Variants in PCDHA6 observed in about 807,000 individuals in gnomAD.
PCDHA6 encodes protocadherin alpha 6.
Under a neutral mutation model 60.3 loss-of-function variants are expected in PCDHA6, and 55 were observed. That is an observed-to-expected ratio of 0.91 (90% CI 0.73 to 1.14). The LOEUF is 1.14. Ranked by LOEUF, PCDHA6 falls within the 50% of genes most tolerant of loss-of-function variation. PCDHA6 has a pLI of 0.00. For synonymous variants in PCDHA6, 652 were observed against 557.9 expected, an observed-to-expected ratio of 1.17 and a Z score of -2.38; for missense variants, 1,327 against 1,256.5, an observed-to-expected ratio of 1.06 and a Z score of -0.85.
chr5:141,007,694 C>T (rs1466885866), intron 3 of PCDHA6, among the ~76,000 whole-genome samples: 1 of 152,186 alleles, frequency 6.6e-6, no homozygotes, highest in Non-Finnish European at 1.5e-5. Context: ...CTTCCACCTC[C>T]CTCCTCTGCC....
At chr5:140,928,855 C>T (rs781997277) in intron 1 of PCDHA6, 1 of 1,614,184 alleles carries the variant, frequency 6.2e-7, no homozygotes, top group Non-Finnish European at 8.5e-7. Context: ...TCTGGGTGTG[C>T]TGTTGAGCAA....
intron 1 of PCDHA6, among the ~76,000 whole-genome samples, chr5:140,920,858 A>G (rs1182817298): frequency 6.6e-6 from 1 of 151,604 alleles, no homozygotes; most frequent in Non-Finnish European, 1.5e-5. Flanking sequence ...AAAAAAAAAA[A>G]CAAACAAACT....
chr5:140,967,327 C>T (rs2096128034), intron 1 of PCDHA6: 2 of 1,608,656 alleles, frequency 1.2e-6, no homozygotes, highest in Admixed American at 1.7e-5. Context: ...CCTACGAGCT[C>T]AGCCCCAGCG....
chr5:141,008,579 T>C (rs1554261820), intron 3 of PCDHA6, among the ~76,000 whole-genome samples: 1 of 152,232 alleles, frequency 6.6e-6, no homozygotes, highest in African/African-American at 2.4e-5. Flanking sequence ...TTCCCAAGAC[T>C]CAGGGCAGAT....
chr5:140,842,284 C>T (rs2150333443), intron 1 of PCDHA6: 8 of 1,610,320 alleles, frequency 5.0e-6, no homozygotes, highest in Admixed American at 1.7e-5. Context: ...TCCTCATTGA[C>T]GCCACGGACA....
chr5:140,889,700 T>C (rs1554184005), intron 1 of PCDHA6, among the ~76,000 whole-genome samples: 1 of 152,200 alleles, frequency 6.6e-6, no homozygotes, highest in African/African-American at 2.4e-5. Context: ...TATGGGCATA[T>C]TCCACAAGTT....
At chr5:140,898,366 A>G (rs1401153740) in intron 1 of PCDHA6, among the ~76,000 whole-genome samples, 1 of 152,132 alleles carries the variant, frequency 6.6e-6, no homozygotes, top group Non-Finnish European at 1.5e-5. Flanking sequence ...TAATTTTTGT[A>G]TAAGGTGTAA....
intron 1 of PCDHA6, among the ~76,000 whole-genome samples, chr5:140,886,844 A>AAAAG (rs1232979230): frequency 8.6e-5 from 13 of 150,634 alleles, no homozygotes; most frequent in African/African-American, 1.2e-4. Flanking sequence ...AAAAAAAAAA[A>AAAAG]AAAGAAAGGT....
intron 1 of PCDHA6, chr5:140,929,632 C>T: frequency 2.6e-6 from 1 of 387,580 alleles, no homozygotes; most frequent in Admixed American, 4.5e-5. Flanking sequence ...TTATAAGCAA[C>T]AGATGTGTAA....
rs2150441857 is a variant in PCDHA6 at position 140,849,593 on chromosome 5, G to T, written c.2394+19108G>T. ...CTGTAAAAGAGGACGCACAACTGGGGACAGTTATTGCCCTGATTAGTGTGA... is the reference window on the plus strand; with the variant it reads ...CTGTAAAAGAGGACGCACAACTGGGTACAGTTATTGCCCTGATTAGTGTGA... On this transcript the variant is annotated intron_variant, in intron 1 of 3. Transcript: ENST00000529310. The T allele has an allele frequency of 3.0e-5, 48 of 1,598,606 alleles. 4 individuals carry two copies. Among genetic ancestry groups the T allele is most frequent in the African/African-American group, 1.1e-4 (8 of 74,332 alleles).
chr5:140,957,473 G>A (rs1307847703), intron 1 of PCDHA6, among the ~76,000 whole-genome samples: 1 of 151,954 alleles, frequency 6.6e-6, no homozygotes, highest in Non-Finnish European at 1.5e-5. Context: ...GTATGTATAG[G>A]AAAAAACATA....
At chr5:140,862,045 A>T (rs544547077) in intron 1 of PCDHA6, 1 of 155,812 alleles carries the variant, frequency 6.4e-6, no homozygotes, top group South Asian at 2.0e-4. Context: ...AAACCGTCAC[A>T]TTGTTTCTTT....
At chr5:140,873,291 T>G (rs1392246125) in intron 1 of PCDHA6, among the ~76,000 whole-genome samples, 1 of 152,198 alleles carries the variant, frequency 6.6e-6, no homozygotes, top group Admixed American at 6.5e-5. Context: ...TTATGAAACT[T>G]TATAAATATA....
At chr5:140,869,529 T>G (rs2051206211) in intron 1 of PCDHA6, 2 of 1,614,166 alleles carry the variant, frequency 1.2e-6, no homozygotes, top group Non-Finnish European at 1.7e-6. Context: ...AGCTGCTGAT[T>G]GCGGAATCTA....
chr5:140,881,743 A>C (rs964884426), intron 1 of PCDHA6, among the ~76,000 whole-genome samples: 4 of 152,182 alleles, frequency 2.6e-5, no homozygotes, highest in African/African-American at 9.7e-5. Flanking sequence ...CAGGAAGAGG[A>C]CAGTACCACA....
intron 1 of PCDHA6, chr5:140,876,905 C>T (rs782526620): frequency 2.5e-6 from 4 of 1,614,032 alleles, no homozygotes; most frequent in Non-Finnish European, 3.4e-6. Context: ...TTCACGGTGT[C>T]GGCATGGGAC....
intron 1 of PCDHA6, among the ~76,000 whole-genome samples, chr5:140,892,977 G>A (rs188368199): frequency 1.8e-4 from 27 of 152,270 alleles, no homozygotes; most frequent in Admixed American, 6.5e-4. Flanking sequence ...TTTTGTAGCT[G>A]CCGTATAAGT....
intron 1 of PCDHA6, chr5:140,871,241 C>G (rs782602807): frequency 3.7e-6 from 6 of 1,613,972 alleles, no homozygotes; most frequent in Non-Finnish European, 5.1e-6. Flanking sequence ...CTGGTACTCA[C>G]GCTGCTGCTG....
intron 3 of PCDHA6, among the ~76,000 whole-genome samples, chr5:141,007,447 A>T (rs2153992021): frequency 6.6e-6 from 1 of 151,258 alleles, no homozygotes; most frequent in South Asian, 2.1e-4. Flanking sequence ...ATGTGCCTGT[A>T]GTCCCAGCTA....
Sources: gnomAD v4.1 joint callset for allele counts (sites outside exome capture counted in the v4.1 genomes callset) on GRCh38, gnomAD v4.1.1 for gene constraint, MANE v1.5 for transcripts, NCBI Gene and HGNC (gene_info 2026-07-23, HGNC 2026-07-21) for gene names.